The following TMEM132D variants were observed in gnomAD, a reference collection of about 807,000 sequenced individuals.
TMEM132D encodes mature OL transmembrane protein.
TMEM132D carries 21 observed loss-of-function variants against 62.3 expected under a neutral mutation model. The ratio of observed to expected loss-of-function variants is 0.34; its 90% CI spans 0.24 to 0.49. The LOEUF (loss-of-function observed/expected upper bound fraction) is 0.49, where lower values mean the gene tolerates loss of function less well. Among genes scored for constraint, TMEM132D ranks in the 20% least tolerant of loss-of-function variants. TMEM132D has a pLI of 0.99. For missense variants in TMEM132D, 1,346 were observed against 1,402.8 expected, an observed-to-expected ratio of 0.96 and a Z score of 0.65; for synonymous variants, 621 against 575.6, an observed-to-expected ratio of 1.08 and a Z score of -1.13.
intron 1 of TMEM132D, among the ~76,000 whole-genome samples, chr12:129,758,167 A>T (rs1870233037): frequency 6.6e-6 from 1 of 151,998 alleles, no homozygotes; most frequent in African/African-American, 2.4e-5. Context: ...GGCTTCCCAA[A>T]GTGCTGGGAT....
chr12:129,608,687 A>C (rs907086045), intron 2 of TMEM132D, among the ~76,000 whole-genome samples: 12 of 152,204 alleles, frequency 7.9e-5, no homozygotes, highest in African/African-American at 2.9e-4. Context: ...AGCCCAAAAT[A>C]TCAAAGTTGA....
At chr12:129,695,687 C>T (rs79080495) in intron 2 of TMEM132D, among the ~76,000 whole-genome samples, 2,088 of 152,348 alleles carry the variant, frequency 0.014, 85 homozygotes, top group South Asian at 0.091. Context: ...TGCATCTGGT[C>T]CCTCTCCTAC....
chr12:129,119,238 C>T (rs757876937), intron 5 of TMEM132D, among the ~76,000 whole-genome samples: 10 of 152,158 alleles, frequency 6.6e-5, no homozygotes, highest in East Asian at 1.9e-4. Flanking sequence ...TAGGAGTACA[C>T]GTAGATATAC....
At chr12:129,763,190 A>C (rs940792830) in intron 1 of TMEM132D, among the ~76,000 whole-genome samples, 2 of 151,840 alleles carry the variant, frequency 1.3e-5, no homozygotes, top group African/African-American at 4.8e-5. Flanking sequence ...TGATCCTCCC[A>C]TCTCGGTCTC....
At chr12:129,128,301 A>C (rs1412143165) in intron 5 of TMEM132D, among the ~76,000 whole-genome samples, 1 of 152,160 alleles carries the variant, frequency 6.6e-6, no homozygotes, top group Non-Finnish European at 1.5e-5. Flanking sequence ...GAACAACCTG[A>C]GACTGGGTAA....
chr12:129,239,693 A>G (rs1283794628), intron 4 of TMEM132D, among the ~76,000 whole-genome samples: 1 of 152,216 alleles, frequency 6.6e-6, no homozygotes, highest in Non-Finnish European at 1.5e-5. Flanking sequence ...GGCACCAAGG[A>G]ATGCCAAAGA....
chr12:129,197,311 C>A (rs1483436350), intron 5 of TMEM132D, among the ~76,000 whole-genome samples: 3 of 152,138 alleles, frequency 2.0e-5, no homozygotes, highest in Non-Finnish European at 4.4e-5. Flanking sequence ...AGTTTGCCGA[C>A]CCCTATTCTA....
At chr12:129,656,597 A>G (rs1183034996) in intron 2 of TMEM132D, among the ~76,000 whole-genome samples, 1 of 152,134 alleles carries the variant, frequency 6.6e-6, no homozygotes, top group African/African-American at 2.4e-5. Flanking sequence ...AGTAGAGGGG[A>G]AAAGACCATT....
chr12:129,575,048 A>G (rs1368890408), intron 2 of TMEM132D, among the ~76,000 whole-genome samples: 1 of 151,680 alleles, frequency 6.6e-6, no homozygotes, highest in Non-Finnish European at 1.5e-5. Flanking sequence ...TTGGCGCTAC[A>G]TATGGAGTCT....
intron 2 of TMEM132D, among the ~76,000 whole-genome samples, chr12:129,663,790 T>C (rs1880304984): frequency 6.6e-6 from 1 of 152,198 alleles, no homozygotes; most frequent in African/African-American, 2.4e-5. Context: ...CAAGCAATCC[T>C]TCTATCCACC....
At chr12:129,495,710 A>G (rs12299604) in intron 3 of TMEM132D, among the ~76,000 whole-genome samples, 1,934 of 152,124 alleles carry the variant, frequency 0.013, 36 homozygotes, top group African/African-American at 0.044. Context: ...GCCTAAGACA[A>G]TGGGGAGTGC....
At chr12:129,300,644 T>C (rs1881690967) in intron 4 of TMEM132D, among the ~76,000 whole-genome samples, 1 of 152,206 alleles carries the variant, frequency 6.6e-6, no homozygotes, top group Non-Finnish European at 1.5e-5. Context: ...TTCCTGTCAA[T>C]GCTGAATATT....
At chr12:129,525,200 C>A (rs1176246042) in intron 3 of TMEM132D, among the ~76,000 whole-genome samples, 1 of 123,382 alleles carries the variant, frequency 8.1e-6, no homozygotes, top group Admixed American at 9.8e-5. Context: ...GCTGGGATTA[C>A]GGGTATGAGC....
At chr12:129,165,691 T>TCC (rs71072449) in intron 5 of TMEM132D, among the ~76,000 whole-genome samples, 1 of 150,966 alleles carries the variant, frequency 6.6e-6, no homozygotes, top group Admixed American at 6.6e-5. Flanking sequence ...TTTTTTTTTT[T>TCC]CCCCTACAAA....
At chr12:129,164,185 C>G (rs2135542689) in intron 5 of TMEM132D, among the ~76,000 whole-genome samples, 1 of 152,290 alleles carries the variant, frequency 6.6e-6, no homozygotes, top group African/African-American at 2.4e-5. Context: ...GATAATCCAG[C>G]CCCAGGTTCT....
At chr12:129,205,968 A>C (rs1251649758) in intron 5 of TMEM132D, among the ~76,000 whole-genome samples, 1 of 152,200 alleles carries the variant, frequency 6.6e-6, no homozygotes, top group African/African-American at 2.4e-5. Context: ...TGGATTAAAT[A>C]CTTAAATGTA....
chr12:129,679,220 T>C (rs1359366631), intron 2 of TMEM132D, among the ~76,000 whole-genome samples: 2 of 152,044 alleles, frequency 1.3e-5, no homozygotes, highest in Admixed American at 6.6e-5. Flanking sequence ...TGCATTTCTA[T>C]CCCTGAACAT....
intron 1 of TMEM132D, among the ~76,000 whole-genome samples, chr12:129,794,377 C>G (rs979616616): frequency 6.6e-5 from 10 of 150,916 alleles, no homozygotes; most frequent in Non-Finnish European, 1.2e-4. Flanking sequence ...GCTGGAATGA[C>G]AGGAGTGAGC....
In TMEM132D at chr12:129,620,242, T is replaced by C. The variant is rs192262842; in HGVS notation, c.968+79568A>G. 3.5e-3 allele frequency among the ~76,000 whole-genome samples: 536 copies of C among 152,330 alleles called. 11 individuals carry two copies. The highest frequency in any genetic ancestry group is 2.8e-3 in the Non-Finnish European group (188 of 68,038). ...ACCGTGGCAGCCACTTCCCTGCTCT[T>C]GGGCTTTTGCTTTTGCCCTTGCTAG... On this transcript the variant is annotated intron_variant, in intron 2 of 8. Transcript: ENST00000422113.
Sources: gnomAD v4.1 joint callset for allele counts (sites outside exome capture counted in the v4.1 genomes callset) on GRCh38, gnomAD v4.1.1 for gene constraint, MANE v1.5 for transcripts, NCBI Gene and HGNC (gene_info 2026-07-23, HGNC 2026-07-21) for gene names.